GALNTL6: variants seen among roughly 807,000 people sequenced by gnomAD.
GALNTL6 encodes polypeptide N-acetylgalactosaminyltransferase-like 6.
A neutral mutation model predicts 73.7 loss-of-function variants in GALNTL6; 46 were observed. The observed-to-expected ratio is 0.62, with a 90% CI of 0.49 to 0.80. The LOEUF is 0.80. Ranked by LOEUF, GALNTL6 falls within the 30% of genes least tolerant of loss-of-function variation. The probability of loss-of-function intolerance (pLI) is 0.00; values close to 1 mark genes in which losing one functional copy is unlikely to be tolerated. For synonymous variants in GALNTL6, 259 were observed against 263.7 expected (o/e 0.98, Z 0.17); for missense variants, 604 against 755.0 (o/e 0.80, Z 2.34).
intron 5 of GALNTL6, among the ~76,000 whole-genome samples, chr4:172,497,532 A>G (rs1252340649): frequency 3.3e-5 from 5 of 152,236 alleles, no homozygotes. Context: ...TTCATGATTC[A>G]TCCACAGTGT....
intron 5 of GALNTL6, among the ~76,000 whole-genome samples, chr4:172,744,840 C>CATGTGT (rs1553983583): frequency 6.7e-6 from 1 of 149,254 alleles, no homozygotes; most frequent in Non-Finnish European, 1.5e-5. Context: ...AGTGCGCGTG[C>CATGTGT]GTGTGTGTGT....
intron 2 of GALNTL6, among the ~76,000 whole-genome samples, chr4:171,974,308 T>C (rs998418066): frequency 6.6e-6 from 1 of 152,188 alleles, no homozygotes; most frequent in Non-Finnish European, 1.5e-5. Flanking sequence ...ATTGAACCAG[T>C]TCCAGACACC....
chr4:172,286,471 T>A (rs530549994), intron 3 of GALNTL6, among the ~76,000 whole-genome samples: 1 of 152,228 alleles, frequency 6.6e-6, no homozygotes, highest in East Asian at 1.9e-4. Context: ...AGGCATAAAT[T>A]CAACGTCCAA....
intron 2 of GALNTL6, among the ~76,000 whole-genome samples, chr4:171,966,568 C>T (rs1739387685): frequency 6.6e-6 from 1 of 152,134 alleles, no homozygotes; most frequent in Admixed American, 6.6e-5. Context: ...TTATAGTCTG[C>T]TGAAGTCTGG....
rs972873229 is a variant in GALNTL6, at chr4:171,915,353, C to A, written c.138+100635C>A. 3.6e-4 allele frequency among the ~76,000 whole-genome samples: 55 copies of A among 152,096 alleles called. 1 individual carries two copies. Among genetic ancestry groups the A allele is most frequent in the African/African-American group, 1.3e-3 (54 of 41,412 alleles). On this transcript the variant is annotated intron_variant, in intron 2 of 12. Coordinates refer to ENST00000506823, the MANE Select transcript of GALNTL6 (RefSeq NM_001034845.3). ...TCTGATTACCCTCATTCATTATATG[C>A]CTTCTTGGAATAACTGACGATGATG...
intron 5 of GALNTL6, among the ~76,000 whole-genome samples, chr4:172,618,672 A>C (rs1214306828): frequency 1.3e-5 from 2 of 152,068 alleles, no homozygotes; most frequent in African/African-American, 4.8e-5. Context: ...GTACCTAGAG[A>C]TGATGTGTTT....
intron 9 of GALNTL6, among the ~76,000 whole-genome samples, chr4:172,944,266 T>A (rs1341502608): frequency 6.6e-6 from 1 of 152,218 alleles, no homozygotes; most frequent in Non-Finnish European, 1.5e-5. Flanking sequence ...AATTCTCAAA[T>A]TTTAATAATA....
At chr4:172,140,137 T>C (rs369245669) in intron 2 of GALNTL6, among the ~76,000 whole-genome samples, 8 of 152,080 alleles carry the variant, frequency 5.3e-5, no homozygotes, top group Non-Finnish European at 8.8e-5. Context: ...CAATTTGTTG[T>C]ATCACAACTG....
intron 3 of GALNTL6, among the ~76,000 whole-genome samples, chr4:172,300,448 G>T (rs1053066205): frequency 6.6e-6 from 1 of 152,282 alleles, no homozygotes; most frequent in African/African-American, 2.4e-5. Flanking sequence ...GTTAGTTGAT[G>T]CAGTTTCTTC....
rs2110917923 is a variant in GALNTL6, at chr4:172,558,206, G to A, written c.553+209517G>A. On this transcript the variant is annotated intron_variant, in intron 5 of 12. Coordinates refer to ENST00000506823, the MANE Select transcript of GALNTL6 (RefSeq NM_001034845.3). The stretch of plus-strand genomic sequence containing the variant: ...AAACAGAATCATTGTTGCCATTTGT[G>A]TGGGCAAGTGTGAAAAATGACAAGA... Among the ~76,000 whole-genome samples the A allele has an allele frequency of 2.6e-5, 4 of 152,264 alleles. No individual in the cohort carries two copies. In the Middle Eastern group the frequency reaches 0.014, roughly 518 times the overall value.
chr4:172,444,878 C>A (rs1731966034), intron 5 of GALNTL6, among the ~76,000 whole-genome samples: 1 of 151,936 alleles, frequency 6.6e-6, no homozygotes, highest in African/African-American at 2.4e-5. Context: ...GTAAGGACAC[C>A]AATTATCCAC....
rs56229154 is a variant in GALNTL6, at chr4:172,326,447, G to A, written c.386+14695G>A. On this transcript the variant is annotated intron_variant, in intron 4 of 12. Coordinates refer to ENST00000506823, the MANE Select transcript of GALNTL6 (RefSeq NM_001034845.3). ...CTTGAGGAACTGGCCTCTTTAACAT[G>A]AGATAAACTTTTATATCCTAGTAAT... 8.8e-3 allele frequency among the ~76,000 whole-genome samples: 1,338 copies of A among 151,998 alleles called. 6 individuals are homozygous for A. The highest frequency in any genetic ancestry group is 0.013 in the Non-Finnish European group (854 of 67,834).
chr4:172,440,875 T>C (rs1004851385), intron 5 of GALNTL6, among the ~76,000 whole-genome samples: 1 of 152,142 alleles, frequency 6.6e-6, no homozygotes, highest in Admixed American at 6.6e-5. Flanking sequence ...ATGATATAAC[T>C]ATAAAATTTT....
intron 5 of GALNTL6, among the ~76,000 whole-genome samples, chr4:172,756,656 G>A (rs952574616): frequency 6.6e-6 from 1 of 151,622 alleles, no homozygotes; most frequent in African/African-American, 2.4e-5. Flanking sequence ...AAAAAAGAAA[G>A]CAGATGTGTC....
intron 12 of GALNTL6, among the ~76,000 whole-genome samples, chr4:173,034,091 C>T (rs979284661): frequency 6.6e-6 from 1 of 152,192 alleles, no homozygotes; most frequent in African/African-American, 2.4e-5. Context: ...CACCTCCTCC[C>T]TCTACCTCAA....
At chr4:171,946,794 A>ACTTGAATGTTTTCACCACTTGTATTCAC (rs1380381838) in intron 2 of GALNTL6, among the ~76,000 whole-genome samples, 1 of 152,082 alleles carries the variant, frequency 6.6e-6, no homozygotes, top group Admixed American at 6.6e-5. Flanking sequence ...TCCTGGAGGA[A>ACTTGAATGTTTTCACCACTTGTATTCAC]AAGGATTTGG....
At chr4:172,092,110 T>C (rs1421333562) in intron 2 of GALNTL6, among the ~76,000 whole-genome samples, 1 of 152,062 alleles carries the variant, frequency 6.6e-6, no homozygotes, top group Non-Finnish European at 1.5e-5. Flanking sequence ...GAAGACAAAA[T>C]ACTTCAGGAT....
intron 2 of GALNTL6, among the ~76,000 whole-genome samples, chr4:172,026,245 A>G (rs1741573022): frequency 6.6e-6 from 1 of 152,042 alleles, no homozygotes; most frequent in African/African-American, 2.4e-5. Context: ...TCATATTTTT[A>G]TGCTATTCTA....
At chr4:172,769,989 C>A (rs1325969024) in intron 5 of GALNTL6, among the ~76,000 whole-genome samples, 1 of 152,104 alleles carries the variant, frequency 6.6e-6, no homozygotes. Flanking sequence ...TATAGCTGGG[C>A]GCGGTGGCTC....
Sources: allele counts gnomAD v4.1 joint callset (sites outside exome capture counted in the v4.1 genomes callset), GRCh38; gene constraint gnomAD v4.1.1; transcripts MANE v1.5; gene names NCBI Gene and HGNC (gene_info 2026-07-23, HGNC 2026-07-21).